USP6NL: variants seen among roughly 807,000 people sequenced by gnomAD.
USP6NL encodes the protein USP6 N-terminal-like protein.
In USP6NL, 26 loss-of-function variants were observed where a neutral mutation model predicts 61.9. The ratio of observed to expected loss-of-function variants is 0.42; its 90% CI spans 0.31 to 0.58. The LOEUF (loss-of-function observed/expected upper bound fraction) is 0.58, where lower values mean the gene tolerates loss of function less well. USP6NL is among the 20% of genes least tolerant of loss of function. The pLI is 0.16. For missense variants in USP6NL, 1,114 were observed against 1,034.3 expected (o/e 1.08, Z -1.06); for synonymous variants, 432 against 390.1 (o/e 1.11, Z -1.27).
intron 1 of USP6NL, among the ~76,000 whole-genome samples, chr10:11,610,606 A>C: frequency 6.6e-6 from 1 of 152,072 alleles, no homozygotes; most frequent in East Asian, 1.9e-4. Flanking sequence ...AACATACTTA[A>C]GACGGCGTCC....
Position 11,474,151 on chromosome 10 carries a change from T to G in USP6NL, c.1078+7619A>C, listed in dbSNP as rs896662213. On this transcript the variant is annotated intron_variant, in intron 14 of 14. Coordinates refer to ENST00000609104, the MANE Select transcript of USP6NL (RefSeq NM_014688.5). The surrounding 1 kb of genome is among the most constrained non-coding windows in gnomAD (Gnocchi z 4.9). ...AACTAAATGGCAAAGTTTAAGAGAA[T>G]CAAAGGTGATTAATTCTGTAGTTTT... Among the ~76,000 whole-genome samples the G allele has an allele frequency of 1.3e-5, 2 of 152,224 alleles. No individual in the cohort carries two copies. The highest frequency in any genetic ancestry group is 4.8e-5 in the African/African-American group (2 of 41,450).
At chr10:11,494,755 G>A (rs1041144114) in intron 7 of USP6NL, among the ~76,000 whole-genome samples, 13 of 152,166 alleles carry the variant, frequency 8.5e-5, no homozygotes, top group African/African-American at 3.1e-4. Flanking sequence ...CAGAGAGACA[G>A]CTTACGCCAT....
At chr10:11,483,780 A>C (rs1431239714) in intron 13 of USP6NL, among the ~76,000 whole-genome samples, 2 of 152,014 alleles carry the variant, frequency 1.3e-5, no homozygotes, top group African/African-American at 4.8e-5. Context: ...GAATCCTGGA[A>C]GACACATAGT....
rs1290997903 is a variant in USP6NL at position 11,528,116 on chromosome 10, G to GAC, written c.5-551_5-550dup. On this transcript the variant is annotated intron_variant, in intron 2 of 14. Transcript: ENST00000609104. The surrounding 1 kb of genome is among the most constrained non-coding windows in gnomAD (Gnocchi z 4.6). ...CAGTTTTATCATACATATGTGTGTGGACACACACACAGACACACACACACA... is the reference window on the plus strand; with the variant it reads ...CAGTTTTATCATACATATGTGTGTGGACACACACACACAGACACACACACACA... 1.5e-5 allele frequency among the ~76,000 whole-genome samples: 2 copies of GAC among 135,414 alleles called. No homozygotes were observed. The highest frequency in any genetic ancestry group is 5.3e-5 in the African/African-American group (2 of 37,632). The allele number at this position is 135,414 out of a possible 152,430, so 88.8% of individuals were successfully genotyped here. A position where few individuals can be genotyped will look rare whatever the true frequency, so the allele number is the denominator to read the frequency against.
Position 11,481,927 on chromosome 10 carries a change from G to A in USP6NL, c.926-5C>T. 5 of 1,601,346 alleles carry A rather than the reference G, an allele frequency of 3.1e-6. No homozygotes were observed. In the South Asian group the frequency reaches 3.4e-5, roughly 11 times the overall value. On this transcript the variant is annotated splice_region_variant and splice_polypyrimidine_tract_variant and intron_variant, in intron 13 of 14. Coordinates refer to ENST00000609104, the MANE Select transcript of USP6NL (RefSeq NM_014688.5). This position sits in a 1 kb window ranked among gnomAD's most constrained non-coding sequence, Gnocchi z 4.4. ...TGGACAATTTCATTAGATGTTCTAA[G>A]AAAGGATAAGAGAAATGAAAATGCC...
chr10:11,471,209 A>C (rs1169483689), intron 14 of USP6NL, among the ~76,000 whole-genome samples: 3 of 152,100 alleles, frequency 2.0e-5, no homozygotes, highest in Admixed American at 6.6e-5. Flanking sequence ...AACAAAAAAA[A>C]CACCACCAAC....
intron 2 of USP6NL, among the ~76,000 whole-genome samples, chr10:11,547,078 A>G (rs753036269): frequency 6.6e-6 from 1 of 152,218 alleles, no homozygotes; most frequent in Non-Finnish European, 1.5e-5. Context: ...ATTCAACAGA[A>G]TTCCTAATAA....
rs554589360 is a variant in USP6NL, at chr10:11,500,128, G to A, written c.384+973C>T. On this transcript the variant is annotated intron_variant, in intron 7 of 14. Coordinates refer to ENST00000609104, the MANE Select transcript of USP6NL (RefSeq NM_014688.5). ...TGGGAGCTGAATAATGAGACTATAC[G>A]GGCACATGATGAGGAACAAAACATA... is the stretch of plus-strand genomic sequence containing the variant. Among the ~76,000 whole-genome samples, 169 of 152,092 alleles carry A rather than the reference G, an allele frequency of 1.1e-3. 2 individuals are homozygous for A. The highest frequency in any genetic ancestry group is 3.7e-3 in the African/African-American group (154 of 41,488).
chr10:11,559,397 T>G (rs188290903), intron 2 of USP6NL, among the ~76,000 whole-genome samples: 1 of 152,160 alleles, frequency 6.6e-6, no homozygotes, highest in Non-Finnish European at 1.5e-5. Context: ...AAACAGCAAC[T>G]TTAAGGTCAC....
intron 2 of USP6NL, among the ~76,000 whole-genome samples, chr10:11,566,977 G>A (rs746367891): frequency 3.3e-5 from 5 of 152,338 alleles, no homozygotes; most frequent in African/African-American, 7.2e-5. Flanking sequence ...AGCCAGGCAC[G>A]GTGGCGCATG....
chr10:11,526,741 G>A (rs960733080), intron 3 of USP6NL, among the ~76,000 whole-genome samples: 3 of 152,062 alleles, frequency 2.0e-5, no homozygotes, highest in Non-Finnish European at 2.9e-5. Context: ...TACAAAACAT[G>A]ACATTTATAA....
At chr10:11,480,883 TAAGA>T (rs1018803342) in intron 14 of USP6NL, among the ~76,000 whole-genome samples, 4 of 152,164 alleles carry the variant, frequency 2.6e-5, no homozygotes, top group Non-Finnish European at 5.9e-5. Context: ...GCAACAAAGG[TAAGA>T]AAGAAGAAAA....
At chr10:11,546,812 T>C (rs1836287762) in intron 2 of USP6NL, among the ~76,000 whole-genome samples, 1 of 152,218 alleles carries the variant, frequency 6.6e-6, no homozygotes, top group African/African-American at 2.4e-5. Context: ...CCAAAGTTAA[T>C]TGCCTACTTC....
rs1174298233 is a variant in USP6NL at position 11,490,132 on chromosome 10, C to A, written c.543+700G>T. The stretch of plus-strand genomic sequence containing the variant: ...TCCTATGAGATGTCCCTTTAAAAAC[C>A]CCTTTTTAACTTTTCCTAGTTTGAG... On this transcript the variant is annotated intron_variant, in intron 9 of 14. Transcript: ENST00000609104. The surrounding 1 kb of genome is among the most constrained non-coding windows in gnomAD (Gnocchi z 4.5). 6.6e-6 allele frequency among the ~76,000 whole-genome samples: 1 copy of A among 152,182 alleles called. No homozygotes were observed. Among genetic ancestry groups the A allele is most frequent in the African/African-American group, 2.4e-5 (1 of 41,454 alleles).
chr10:11,600,953 G>A lies in USP6NL; in HGVS notation c.-83-3236C>T, dbSNP rs1838506404. ...ACTGCACTCCAGCCTGGGCAACAGA[G>A]CAAGACTCTATCTCAAAGAAAAAAA... On this transcript the variant is annotated intron_variant, in intron 1 of 14. Coordinates refer to ENST00000609104, the MANE Select transcript of USP6NL (RefSeq NM_014688.5). This position sits in a 1 kb window ranked among gnomAD's most constrained non-coding sequence, Gnocchi z 4.1. Among the ~76,000 whole-genome samples, 1 of 151,758 alleles carries A rather than the reference G, an allele frequency of 6.6e-6. No homozygotes were observed. The highest frequency in any genetic ancestry group is 1.9e-4 in the East Asian group (1 of 5,168).
intron 14 of USP6NL, among the ~76,000 whole-genome samples, chr10:11,464,841 G>A (rs906876245): frequency 2.6e-5 from 4 of 152,180 alleles, no homozygotes; most frequent in Admixed American, 1.3e-4. Context: ...TTGTAATTCA[G>A]AAAAGTTTTC....
Position 11,586,183 on chromosome 10 carries a change from G to A in USP6NL, c.4+11448C>T, listed in dbSNP as rs553808086. Among the ~76,000 whole-genome samples the A allele has an allele frequency of 3.5e-4, 53 of 152,276 alleles. 1 individual carries two copies. In the South Asian group the frequency reaches 0.011, roughly 30 times the overall value. ...TTTTGAGCCTACTAGGCTAGTGATG[G>A]TGAAACTGATATCCTTGTACACAAT... On this transcript the variant is annotated intron_variant, in intron 2 of 14. Transcript: ENST00000609104.
chr10:11,485,041 C>A lies in USP6NL; in HGVS notation c.855G>T (p.Trp285Cys). 6.4e-7 allele frequency: 1 copy of A among 1,550,796 alleles called. No individual in the cohort carries two copies. Among genetic ancestry groups the A allele is most frequent in the South Asian group, 1.2e-5 (1 of 83,628 alleles). ...GTTCTCCTTCAAAGATGTAGATATC[C>A]CATATTCTGAGGTTTAGTGTAAAGG... ...RTPFTLNLRI[W>C]DIYIFEGERV... Residue 285 changes from tryptophan to cysteine, a missense_variant, in exon 13 of 15, where the codon TGG (tryptophan) becomes TGT (cysteine). By Grantham distance (215) the Trp-to-Cys change is radical. Transcript: ENST00000609104. This position sits in a 1 kb window ranked among gnomAD's most constrained non-coding sequence, Gnocchi z 4.8.
chr10:11,559,091 C>G (rs924027324), intron 2 of USP6NL, among the ~76,000 whole-genome samples: 1 of 152,066 alleles, frequency 6.6e-6, no homozygotes, highest in Non-Finnish European at 1.5e-5. Context: ...AGCTGCAGGT[C>G]CAAGTGTAAT....
Sources: gnomAD v4.1 joint callset for allele counts (sites outside exome capture counted in the v4.1 genomes callset) on GRCh38, gnomAD v4.1.1 for gene constraint, Gnocchi (gnomAD v3.1) non-coding constraint, MANE v1.5 for transcripts, NCBI Gene and HGNC (gene_info 2026-07-23, HGNC 2026-07-21) for gene names.